Variants in FAM13C observed in about 807,000 individuals in gnomAD.
FAM13C encodes protein FAM13C.
In FAM13C, 37 loss-of-function variants were observed where a neutral mutation model predicts 73.2. The ratio of observed to expected loss-of-function variants is 0.51; its 90% CI spans 0.39 to 0.67. The LOEUF (loss-of-function observed/expected upper bound fraction) is 0.67, where lower values mean the gene tolerates loss of function less well. FAM13C is among the 30% of genes least tolerant of loss of function. The probability of loss-of-function intolerance (pLI) is 0.00; values close to 1 mark genes in which losing one functional copy is unlikely to be tolerated. For missense variants in FAM13C, 589 were observed against 715.6 expected, an observed-to-expected ratio of 0.82 and a Z score of 2.02; for synonymous variants, 246 against 260.9, an observed-to-expected ratio of 0.94 and a Z score of 0.55.
rs559828705 is a variant in FAM13C, at chr10:59,355,776, T to C, written c.119+111A>G. On this transcript the variant is annotated intron_variant, in intron 2 of 13. Transcript: ENST00000618804. Reference sequence around the variant, plus strand: ...AAAATCTAGTAGAAGAGATGAGACATGAGAACAAATAATTGGAATTCAAAG... The same window carrying C: ...AAAATCTAGTAGAAGAGATGAGACACGAGAACAAATAATTGGAATTCAAAG... 1.9e-5 allele frequency: 21 copies of C among 1,134,502 alleles called. No individual in the cohort carries two copies. In the South Asian group the frequency reaches 2.7e-4, roughly 15 times the overall value. The allele number at this position is 1,134,502 out of a possible 1,614,324, so 70.3% of individuals were successfully genotyped here. A position where few individuals can be genotyped will look rare whatever the true frequency, so the allele number is the denominator to read the frequency against.
intron 1 of FAM13C, among the ~76,000 whole-genome samples, chr10:59,359,023 C>T (rs938321554): frequency 1.2e-4 from 19 of 152,318 alleles, no homozygotes; most frequent in African/African-American, 4.3e-4. Flanking sequence ...TGTCCTTTCC[C>T]TGAAACCCCT....
At position 59,362,484 on chromosome 10, in the gene FAM13C, G is replaced by T; in HGVS notation, c.-24C>A. ...ATCAGCCAAGTCTGGCCGGGGAGCC[G>T]TCTCCCTGATTGCTCTCCGGGAGTT... On this transcript the variant is annotated 5_prime_UTR_variant, in exon 1 of 14. Transcript: ENST00000618804. 23 of 1,610,366 alleles carry T rather than the reference G, an allele frequency of 1.4e-5. No homozygotes were observed. Among genetic ancestry groups the T allele is most frequent in the Non-Finnish European group, 2.0e-5 (23 of 1,178,154 alleles).
chr10:59,323,997 A>G lies in FAM13C; in HGVS notation c.434T>C (p.Leu145Pro). ...ATAACAAAGGGCCCACCTTGGTTGA[A>G]GTCGCACTGTTTCTTGGCACTTGAA... ...NAFKCQETVR[L>P]QPRIDQRTAI... Residue 145 changes from leucine to proline, a missense_variant, in exon 4 of 14, where the codon CTT (leucine) becomes CCT (proline). Physicochemically the swap from Leu to Pro is moderately conservative, Grantham distance 98. Transcript: ENST00000618804. 6.2e-7 allele frequency: 1 copy of G among 1,613,948 alleles called. No homozygotes were observed. The highest frequency in any genetic ancestry group is 1.3e-5 in the African/African-American group (1 of 75,044).
chr10:59,360,061 C>T (rs1856205262), intron 1 of FAM13C, among the ~76,000 whole-genome samples: 1 of 152,154 alleles, frequency 6.6e-6, no homozygotes, highest in South Asian at 2.1e-4. Context: ...TAGATAGTGC[C>T]AGGGCTGGGA....
chr10:59,249,091 A>G (rs1294151553), intron 13 of FAM13C, among the ~76,000 whole-genome samples: 2 of 152,174 alleles, frequency 1.3e-5, no homozygotes, highest in African/African-American at 2.4e-5. Context: ...GTAGTTTTGC[A>G]TATTCCATTT....
rs1847760340 is a variant in FAM13C, at chr10:59,302,845, T to G, written c.463A>C (p.Ile155Leu). The G allele has an allele frequency of 1.2e-6, 2 of 1,613,994 alleles. No homozygotes were observed. The highest frequency in any genetic ancestry group is 3.3e-5 in the Admixed American group (2 of 60,008). Reference sequence around the variant, plus strand: ...GTTTCAAAAGCATCCTTTGGCGAAATGGCAGTCCTCTGGTCTATTCTATAA... The same window carrying G: ...GTTTCAAAAGCATCCTTTGGCGAAAGGGCAGTCCTCTGGTCTATTCTATAA... ...LQPRIDQRTA[I>L]SPKDAFETRQ... Residue 155 changes from isoleucine to leucine, a missense_variant, in exon 5 of 14, where the codon ATT (isoleucine) becomes CTT (leucine). Coordinates refer to ENST00000618804, the MANE Select transcript of FAM13C (RefSeq NM_198215.4).
chr10:59,299,709 AGACCAAG>A (rs1367297049), intron 5 of FAM13C, among the ~76,000 whole-genome samples: 2 of 152,264 alleles, frequency 1.3e-5, no homozygotes, highest in East Asian at 3.9e-4. Flanking sequence ...AGACTGACTA[AGACCAAG>A]GATTAAGGTG....
intron 1 of FAM13C, among the ~76,000 whole-genome samples, chr10:59,357,952 G>A (rs897667262): frequency 1.3e-5 from 2 of 152,286 alleles, no homozygotes; most frequent in African/African-American, 2.4e-5. Context: ...TGGCAATGGT[G>A]TATAATTAAC....
intron 4 of FAM13C, among the ~76,000 whole-genome samples, chr10:59,320,556 T>G (rs571851522): frequency 2.0e-5 from 3 of 152,224 alleles, no homozygotes; most frequent in African/African-American, 7.2e-5. Context: ...TTTAAAAGGG[T>G]TTAATTGAGC....
At chr10:59,336,449 C>T (rs530465395) in intron 3 of FAM13C, among the ~76,000 whole-genome samples, 2 of 152,288 alleles carry the variant, frequency 1.3e-5, no homozygotes, top group East Asian at 3.9e-4. Flanking sequence ...ACTATGACCA[C>T]TGCTCACGGC....
chr10:59,251,434 G>A, intron 13 of FAM13C, 141 bp downstream of exon 13: 2 of 747,084 alleles, frequency 2.7e-6, no homozygotes, highest in South Asian at 3.2e-5. Context: ...ATGTTGCATT[G>A]GACAAATCCT....
chr10:59,270,756 CAA>C (rs1202876986), intron 6 of FAM13C, among the ~76,000 whole-genome samples: 4 of 152,106 alleles, frequency 2.6e-5, no homozygotes, highest in Non-Finnish European at 5.9e-5. Flanking sequence ...ACTAAAAGAT[CAA>C]AGAGGTTACA....
chr10:59,349,305 T>C (rs1306955297), intron 3 of FAM13C, among the ~76,000 whole-genome samples: 2 of 152,208 alleles, frequency 1.3e-5, no homozygotes, highest in South Asian at 4.1e-4. Context: ...AAGAGCCTCA[T>C]AGTAAAGGAC....
chr10:59,332,984 C>CTTGT (rs1852204923), intron 3 of FAM13C, among the ~76,000 whole-genome samples: 1 of 115,216 alleles, frequency 8.7e-6, no homozygotes, highest in Non-Finnish European at 1.9e-5. Flanking sequence ...ATTGTTGTCA[C>CTTGT]TTATTTATTT....
chr10:59,319,849 G>C (rs1399399217), intron 4 of FAM13C, among the ~76,000 whole-genome samples: 1 of 152,174 alleles, frequency 6.6e-6, no homozygotes, highest in Middle Eastern at 3.2e-3. Context: ...ATGCAGAGTA[G>C]TATAATAACC....
At chr10:59,358,463 C>T (rs1855988046) in intron 1 of FAM13C, among the ~76,000 whole-genome samples, 1 of 152,220 alleles carries the variant, frequency 6.6e-6, no homozygotes, top group African/African-American at 2.4e-5. Flanking sequence ...TCATGGAAAA[C>T]AAATCCCCAA....
At chr10:59,289,228 G>T (rs981856879) in intron 5 of FAM13C, among the ~76,000 whole-genome samples, 7 of 152,138 alleles carry the variant, frequency 4.6e-5, no homozygotes, top group Non-Finnish European at 8.8e-5. Flanking sequence ...GACAGGAGGC[G>T]GAGCTCAGGC....
chr10:59,257,732 G>A (rs1373677748), intron 10 of FAM13C, among the ~76,000 whole-genome samples: 1 of 152,182 alleles, frequency 6.6e-6, no homozygotes, highest in African/African-American at 2.4e-5. Flanking sequence ...ATCATAGAAA[G>A]CAATTGCTAA....
chr10:59,305,968 G>GTTAATCCACCCTACTCAGTA (rs1344836629), intron 4 of FAM13C, among the ~76,000 whole-genome samples: 1 of 152,200 alleles, frequency 6.6e-6, no homozygotes, highest in Non-Finnish European at 1.5e-5. Context: ...GGAGACAGGG[G>GTTAATCCACCCTACTCAGTA]TTAATCCACC....
Sources: allele counts gnomAD v4.1 joint callset (sites outside exome capture counted in the v4.1 genomes callset), GRCh38; gene constraint gnomAD v4.1.1; transcripts MANE v1.5; gene names NCBI Gene and HGNC (gene_info 2026-07-23, HGNC 2026-07-21).